Variants in CDK19 observed in about 807,000 individuals in gnomAD.
The protein encoded by CDK19 is cyclin-dependent kinase 19.
In CDK19, 20 loss-of-function variants were observed where a neutral mutation model predicts 68.3. The observed-to-expected ratio is 0.29, with a 90% CI of 0.21 to 0.43. CDK19 has a LOEUF of 0.43. Ranked by LOEUF, CDK19 falls within the 20% of genes least tolerant of loss-of-function variation. The pLI is 1.00. For synonymous variants in CDK19, 221 were observed against 222.8 expected, an observed-to-expected ratio of 0.99 and a Z score of 0.07; for missense variants, 339 against 623.5, an observed-to-expected ratio of 0.54 and a Z score of 4.86.
chr6:110,692,726 G>A (rs1773118122), intron 2 of CDK19, among the ~76,000 whole-genome samples: 1 of 152,222 alleles, frequency 6.6e-6, no homozygotes, highest in Non-Finnish European at 1.5e-5. Flanking sequence ...ACTGGGCGCA[G>A]TGGCTCACGC....
chr6:110,640,375 G>A (rs1269625250), intron 4 of CDK19, among the ~76,000 whole-genome samples: 4 of 152,248 alleles, frequency 2.6e-5, no homozygotes, highest in Admixed American at 6.5e-5. Context: ...GAGAGGATGA[G>A]GGAGTGGAAT....
chr6:110,777,289 T>C (rs1780471997), intron 1 of CDK19, among the ~76,000 whole-genome samples: 1 of 152,148 alleles, frequency 6.6e-6, no homozygotes, highest in Non-Finnish European at 1.5e-5. Flanking sequence ...AAAATCAATA[T>C]ATCCGAATAA....
chr6:110,648,816 C>G (rs542837224), intron 4 of CDK19, among the ~76,000 whole-genome samples: 17 of 152,210 alleles, frequency 1.1e-4, no homozygotes, highest in Non-Finnish European at 2.1e-4. Context: ...CTCCCGGGTT[C>G]ACGCCATTCT....
rs1014869014 is a variant in CDK19 at position 110,754,852 on chromosome 6, A to G, written c.129-8651T>C. The stretch of plus-strand genomic sequence containing the variant: ...GAATCTTAAGTCAGACTTACTTGCA[A>G]CAGAAGGTAATATAATAAGTGATGT... On this transcript the variant is annotated intron_variant, in intron 1 of 12. Coordinates refer to ENST00000368911, the MANE Select transcript of CDK19 (RefSeq NM_015076.5). Among the ~76,000 whole-genome samples, 6 of 152,294 alleles carry G rather than the reference A, an allele frequency of 3.9e-5. No homozygotes were observed. In the East Asian group the frequency reaches 1.2e-3, roughly 29 times the overall value.
At position 110,707,466 on chromosome 6, in the gene CDK19, C is replaced by T. The variant is rs867428961; in HGVS notation, c.205-36925G>A. On this transcript the variant is annotated intron_variant, in intron 2 of 12. Transcript: ENST00000368911. ...ACCTGTATCCAAAGATGTGTTTTAC[C>T]AGGATACAGATCATATCATCTATCT... Among the ~76,000 whole-genome samples, 12 of 152,096 alleles carry T rather than the reference C, an allele frequency of 7.9e-5. 2 individuals are homozygous for T. In the South Asian group the frequency reaches 1.2e-3, roughly 16 times the overall value.
intron 2 of CDK19, among the ~76,000 whole-genome samples, chr6:110,743,730 C>T (rs1777854575): frequency 6.6e-6 from 1 of 152,010 alleles, no homozygotes; most frequent in Non-Finnish European, 1.5e-5. Flanking sequence ...ACACACATGC[C>T]CATGGATTCC....
intron 1 of CDK19, among the ~76,000 whole-genome samples, chr6:110,788,307 T>C (rs1221428400): frequency 6.6e-6 from 1 of 151,924 alleles, no homozygotes; most frequent in Non-Finnish European, 1.5e-5. Flanking sequence ...GGACTACAGG[T>C]TTGCATCACC....
chr6:110,629,877 C>A (rs898680727), intron 6 of CDK19, among the ~76,000 whole-genome samples: 1 of 152,038 alleles, frequency 6.6e-6, no homozygotes, highest in Non-Finnish European at 1.5e-5. Context: ...TATCTTTAAG[C>A]GGTAAATTTC....
intron 2 of CDK19, among the ~76,000 whole-genome samples, chr6:110,701,076 C>T (rs1474496554): frequency 1.3e-5 from 2 of 151,840 alleles, no homozygotes; most frequent in Non-Finnish European, 2.9e-5. Context: ...TGGTGGCAGG[C>T]GCCTGTAGTC....
intron 1 of CDK19, among the ~76,000 whole-genome samples, chr6:110,795,092 T>C (rs1781850633): frequency 6.6e-6 from 1 of 152,200 alleles, no homozygotes; most frequent in African/African-American, 2.4e-5. Flanking sequence ...CACCTCAGCC[T>C]CCTGAGTAGC....
chr6:110,696,751 G>A (rs929032575), intron 2 of CDK19, among the ~76,000 whole-genome samples: 2 of 151,856 alleles, frequency 1.3e-5, no homozygotes, highest in African/African-American at 4.8e-5. Flanking sequence ...GCAAAACCTC[G>A]CCTCTACTAA....
chr6:110,815,242 C>T lies in CDK19; in HGVS notation c.-106G>A. ...CTCCACTTCTCCAACAGCCGCCTCTCGCGCGCGCGCGCGCGCCGCCCGCCG... is the reference window on the plus strand; with the variant it reads ...CTCCACTTCTCCAACAGCCGCCTCTTGCGCGCGCGCGCGCGCCGCCCGCCG... On this transcript the variant is annotated 5_prime_UTR_variant, in exon 1 of 13. Coordinates refer to ENST00000368911, the MANE Select transcript of CDK19 (RefSeq NM_015076.5). The T allele has an allele frequency of 1.1e-6, 1 of 935,276 alleles. No individual in the cohort carries two copies. The highest frequency in any genetic ancestry group is 5.2e-5 in the Admixed American group (1 of 19,064). The allele number at this position is 935,276 out of a possible 1,614,324, so 57.9% of individuals were successfully genotyped here.
chr6:110,704,081 T>TTA (rs1438962770), intron 2 of CDK19, among the ~76,000 whole-genome samples: 1 of 152,196 alleles, frequency 6.6e-6, no homozygotes, highest in Non-Finnish European at 1.5e-5. Flanking sequence ...GCATGCATTT[T>TTA]AAGTTGTTGT....
At chr6:110,710,036 G>A (rs1268896357) in intron 2 of CDK19, among the ~76,000 whole-genome samples, 3 of 152,080 alleles carry the variant, frequency 2.0e-5, no homozygotes, top group African/African-American at 7.2e-5. Flanking sequence ...CCTCTTTTCA[G>A]TCAATAAAAT....
intron 6 of CDK19, among the ~76,000 whole-genome samples, chr6:110,629,697 C>T (rs1171547427): frequency 2.0e-5 from 3 of 151,992 alleles, no homozygotes; most frequent in Non-Finnish European, 4.4e-5. Context: ...GAGAAGAGTA[C>T]GAAAAAGTGA....
chr6:110,639,476 A>G (rs555043238), intron 4 of CDK19, among the ~76,000 whole-genome samples: 181 of 152,346 alleles, frequency 1.2e-3, no homozygotes, highest in African/African-American at 4.2e-3. Flanking sequence ...TTCTAAGGAT[A>G]AAGAACCATG....
chr6:110,645,860 C>A, intron 4 of CDK19: 1 of 665,824 alleles, frequency 1.5e-6, no homozygotes, highest in Non-Finnish European at 2.7e-6. Context: ...CCTTCGATTT[C>A]GAAGAGACTA....
rs149366002 is a variant in CDK19, at chr6:110,628,871, C to T, written c.647-1726G>A. Among the ~76,000 whole-genome samples, 235 of 152,310 alleles carry T rather than the reference C, an allele frequency of 1.5e-3. 3 individuals are homozygous for T. The highest frequency in any genetic ancestry group is 5.4e-3 in the African/African-American group (223 of 41,564). ...GACCATTTTTTAATTACACCATTGC[C>T]TGCCACCATAAAAGGCTATAAAAAA... is the stretch of plus-strand genomic sequence containing the variant. On this transcript the variant is annotated intron_variant, in intron 6 of 12. Transcript: ENST00000368911.
chr6:110,640,130 A>C (rs1780040769), intron 4 of CDK19, among the ~76,000 whole-genome samples: 1 of 150,752 alleles, frequency 6.6e-6, no homozygotes, highest in Non-Finnish European at 1.5e-5. Flanking sequence ...CTGAGGCGGA[A>C]GGATTGCTTG....
Sources: gnomAD v4.1 joint callset for allele counts (sites outside exome capture counted in the v4.1 genomes callset) on GRCh38, gnomAD v4.1.1 for gene constraint, MANE v1.5 for transcripts, NCBI Gene and HGNC (gene_info 2026-07-23, HGNC 2026-07-21) for gene names.